Variants in PPP1R3B observed in about 807,000 individuals in gnomAD.
PPP1R3B encodes PP1 subunit R4.
Under a neutral mutation model 14.6 loss-of-function variants are expected in PPP1R3B, and 8 were observed. The observed-to-expected ratio is 0.55, with a 90% confidence interval of 0.32 to 0.99. The LOEUF (loss-of-function observed/expected upper bound fraction) is 0.99. Among genes scored for constraint, PPP1R3B ranks in the 50% least tolerant of loss-of-function variants. The probability of loss-of-function intolerance (pLI) is 0.04; values close to 1 mark genes in which losing one functional copy is unlikely to be tolerated. For synonymous variants in PPP1R3B, 169 were observed against 142.0 expected (o/e 1.19, Z -1.35); for missense variants, 452 against 360.1 (o/e 1.26, Z -2.07).
At position 9,138,153 on chromosome 8, in the gene PPP1R3B, C is replaced by A. The variant is rs1034259958; in HGVS notation, c.*2641G>T. On this transcript the variant is annotated 3_prime_UTR_variant, in exon 2 of 2. Coordinates refer to ENST00000310455, the MANE Select transcript of PPP1R3B (RefSeq NM_024607.4). ...TCTTAAGGCAAAGTAAAATTCAGGACCTGCATGAAATCAGTTTTGCTTCCA... is the reference window on the plus strand; with the variant it reads ...TCTTAAGGCAAAGTAAAATTCAGGAACTGCATGAAATCAGTTTTGCTTCCA... 2.6e-5 allele frequency: 4 copies of A among 152,124 alleles called. No homozygotes were observed. The highest frequency in any genetic ancestry group is 9.7e-5 in the African/African-American group (4 of 41,412). 9.4% of individuals were successfully genotyped at this position (152,124 alleles called of 1,614,324 possible).
At position 9,140,755 on chromosome 8, in the gene PPP1R3B, G is replaced by GTT; in HGVS notation, c.*38_*39insAA. The GTT allele has an allele frequency of 6.2e-7, 1 of 1,603,052 alleles. No homozygotes were observed. On this transcript the variant is annotated 3_prime_UTR_variant, in exon 2 of 2. Transcript: ENST00000310455. ...CTGCACAGTGAGCAGAGCTAGGCTTGTCTGTGGCAGCTCCGCCACGCCCTG... is the reference window on the plus strand; with the variant it reads ...CTGCACAGTGAGCAGAGCTAGGCTTGTTTCTGTGGCAGCTCCGCCACGCCCTG...
chr8:9,140,834 G>A lies in PPP1R3B; in HGVS notation c.818C>T (p.Pro273Leu). The change falls in exon 2 of 2, where the codon CCA (proline) becomes CTA (leucine). Residue 273 changes from proline (P) to leucine (L), a missense_variant. Transcript: ENST00000310455. ...RCSYGLFPEW[P>L]SYLGYEKLGP... ...TAGCTTTTCATATCCTAAGTAACTT[G>A]GCCACTCTGGAAACAGACCATAGGA... The A allele has an allele frequency of 6.2e-7, 1 of 1,614,066 alleles. No homozygotes were observed. Among genetic ancestry groups the A allele is most frequent in the Non-Finnish European group, 8.5e-7 (1 of 1,180,026 alleles).
rs1801029092 is a variant in PPP1R3B at position 9,140,290 on chromosome 8, C to T, written c.*504G>A. 1.2e-5 allele frequency: 2 copies of T among 165,766 alleles called. No homozygotes were observed. The highest frequency in any genetic ancestry group is 3.2e-4 in the South Asian group (2 of 6,290). 10.3% of individuals were successfully genotyped at this position (165,766 alleles called of 1,614,324 possible). On this transcript the variant is annotated 3_prime_UTR_variant, in exon 2 of 2. Coordinates refer to ENST00000310455, the MANE Select transcript of PPP1R3B (RefSeq NM_024607.4). ...GCTGCACTGGAAATGTGCGTCAGCT[C>T]AGTGTGTCACAGCAGAGATACACGT...
rs558281670 is a variant in PPP1R3B, at chr8:9,147,728, G to GT, written c.-18+2834dup. On this transcript the variant is annotated intron_variant, in intron 1 of 1. Coordinates refer to ENST00000310455, the MANE Select transcript of PPP1R3B (RefSeq NM_024607.4). ...TGAGATCCCTTTTTATCACCAAGCT[G>GT]TAAGAACAAGCAGAAGTCCGGCTTG... is the stretch of plus-strand genomic sequence containing the variant. Among the ~76,000 whole-genome samples, 747 of 151,840 alleles carry GT rather than the reference G, an allele frequency of 4.9e-3. 5 individuals carry two copies. The highest frequency in any genetic ancestry group is 0.017 in the African/African-American group (715 of 41,400).
At position 9,139,888 on chromosome 8, in the gene PPP1R3B, C is replaced by G. The variant is rs981876795; in HGVS notation, c.*906G>C. On this transcript the variant is annotated 3_prime_UTR_variant, in exon 2 of 2. Coordinates refer to ENST00000310455, the MANE Select transcript of PPP1R3B (RefSeq NM_024607.4). ...TAAAGAATGAGACAAACCAGCCAAG[C>G]ACGTTAAAGTCATTGAGCTTTCGGG... 6.6e-6 allele frequency: 1 copy of G among 152,178 alleles called. No homozygotes were observed. The highest frequency in any genetic ancestry group is 2.4e-5 in the African/African-American group (1 of 41,424). 9.4% of individuals were successfully genotyped at this position (152,178 alleles called of 1,614,324 possible). A position where few individuals can be genotyped will look rare whatever the true frequency, so the allele number is the denominator to read the frequency against.
At position 9,141,475 on chromosome 8, in the gene PPP1R3B, C is replaced by A; in HGVS notation, c.177G>T (p.Val59=). Residue 59 remains valine, a synonymous_variant, in exon 2 of 2, where the codon GTG becomes GTT. Coordinates refer to ENST00000310455, the MANE Select transcript of PPP1R3B (RefSeq NM_024607.4). ...MVAPAVQEKK[V]KKRVSFADNQ... Reference sequence around the variant, plus strand: ...TGTCTGCGAAGGACACCCGCTTTTTCACCTTCTTCTCCTGGACAGCCGGGG... The same window carrying A: ...TGTCTGCGAAGGACACCCGCTTTTTAACCTTCTTCTCCTGGACAGCCGGGG... 1 of 1,614,198 alleles carries A rather than the reference C, an allele frequency of 6.2e-7. No individual in the cohort carries two copies. Among genetic ancestry groups the A allele is most frequent in the Non-Finnish European group, 8.5e-7 (1 of 1,180,028 alleles).
upstream of PPP1R3B, among the ~76,000 whole-genome samples, chr8:9,151,111 G>T (rs1271332271): frequency 1.3e-5 from 2 of 152,204 alleles, no homozygotes; most frequent in African/African-American, 2.4e-5. Context: ...CCAGCAGCGC[G>T]GTGGAGCACG....
At chr8:9,149,316 C>T (rs539679082) in intron 1 of PPP1R3B, among the ~76,000 whole-genome samples, 3 of 150,432 alleles carry the variant, frequency 2.0e-5, no homozygotes, top group African/African-American at 7.3e-5. Context: ...CTGGCTAACA[C>T]GGTGAAACCC....
In PPP1R3B at chr8:9,141,189, C is replaced by T. The variant is rs781284275; in HGVS notation, c.463G>A (p.Ala155Thr). The T allele has an allele frequency of 2.1e-5, 34 of 1,614,074 alleles. No homozygotes were observed. The highest frequency in any genetic ancestry group is 1.6e-4 in the Middle Eastern group (1 of 6,084). Residue 155 changes from alanine to threonine, a missense_variant, in exon 2 of 2, where the codon GCA becomes ACA. Ala to Thr is a moderately conservative substitution (Grantham distance 58). Transcript: ENST00000310455. The stretch of plus-strand genomic sequence containing the variant: ...CTTATTTTCACGGTCTTCTCAAATG[C>T]GAGGTTCTGAACCTTCACAGTGCCT... ...IAGTVKVQNL[A>T]FEKTVKIRMT...
At chr8:9,144,146 T>G (rs1467812598) in intron 1 of PPP1R3B, among the ~76,000 whole-genome samples, 1 of 151,926 alleles carries the variant, frequency 6.6e-6, no homozygotes. Context: ...TTTTATTTAT[T>G]GAATTAGGAA....
rs750638299 is a variant in PPP1R3B, at chr8:9,141,397, C to A, written c.255G>T (p.Pro85=). ...MVKVFSEFDD[P]LDMPFNITEL... ...CGGTGATGTTGAATGGCATATCTAGCGGGTCATCGAATTCCGAGAACACTT... is the reference window on the plus strand; with the variant it reads ...CGGTGATGTTGAATGGCATATCTAGAGGGTCATCGAATTCCGAGAACACTT... Residue 85 remains proline (P), a synonymous_variant, in exon 2 of 2, where the codon CCG becomes CCT. Coordinates refer to ENST00000310455, the MANE Select transcript of PPP1R3B (RefSeq NM_024607.4). The A allele has an allele frequency of 6.2e-7, 1 of 1,614,216 alleles. No homozygotes were observed. Among genetic ancestry groups the A allele is most frequent in the African/African-American group, 1.3e-5 (1 of 75,054 alleles).
chr8:9,148,714 C>G (rs569958295), intron 1 of PPP1R3B, among the ~76,000 whole-genome samples: 1 of 151,516 alleles, frequency 6.6e-6, no homozygotes, highest in South Asian at 2.1e-4. Flanking sequence ...CAAGGTTAGA[C>G]GGCCATGGTG....
chr8:9,140,902 C>T lies in PPP1R3B; in HGVS notation c.750G>A (p.Pro250=), dbSNP rs145403213. Residue 250 remains proline, a synonymous_variant, in exon 2 of 2, where the codon CCG becomes CCA. Coordinates refer to ENST00000310455, the MANE Select transcript of PPP1R3B (RefSeq NM_024607.4). The part of the protein sequence containing the change: ...TQGMTKPHSG[P]DLGISFDQFG... Reference sequence around the variant, plus strand: ...ACTGGTCAAAGGATATTCCCAAATCCGGTCCACTGTGGGGCTTGGTCATTC... The same window carrying T: ...ACTGGTCAAAGGATATTCCCAAATCTGGTCCACTGTGGGGCTTGGTCATTC... 100 of 1,614,222 alleles carry T rather than the reference C, an allele frequency of 6.2e-5. No homozygotes were observed. In the African/African-American group the frequency reaches 7.2e-4, roughly 12 times the overall value.
In PPP1R3B at chr8:9,149,521, CCAAA is replaced by C. The variant is rs762563254; in HGVS notation, c.-18+1038_-18+1041del. Among the ~76,000 whole-genome samples, 10 of 152,204 alleles carry C rather than the reference CCAAA, an allele frequency of 6.6e-5. 1 individual carries two copies. The highest frequency in any genetic ancestry group is 4.2e-4 in the South Asian group (2 of 4,818). On this transcript the variant is annotated intron_variant, in intron 1 of 1. Coordinates refer to ENST00000310455, the MANE Select transcript of PPP1R3B (RefSeq NM_024607.4). Reference sequence around the variant, plus strand: ...TCCGTCTCAAAACAAACAAACAAAACCAAACAAACAAAAAAATCAGATGCACAAG... The same window carrying C: ...TCCGTCTCAAAACAAACAAACAAAACCAAACAAAAAAATCAGATGCACAAG...
intron 1 of PPP1R3B, among the ~76,000 whole-genome samples, chr8:9,143,246 T>A (rs959631861): frequency 2.7e-4 from 41 of 152,220 alleles, no homozygotes; most frequent in African/African-American, 9.2e-4. Flanking sequence ...ATATTTGCTA[T>A]AATCTGATAA....
rs994165891 is a variant in PPP1R3B, at chr8:9,139,324, A to G, written c.*1470T>C. The G allele has an allele frequency of 3.3e-5, 5 of 152,244 alleles. No homozygotes were observed. Among genetic ancestry groups the G allele is most frequent in the African/African-American group, 7.2e-5 (3 of 41,464 alleles). 9.4% of individuals were successfully genotyped at this position (152,244 alleles called of 1,614,324 possible). A position where few individuals can be genotyped will look rare whatever the true frequency, so the allele number is the denominator to read the frequency against. The stretch of plus-strand genomic sequence containing the variant: ...AGTTGGCAAACGTTTAAAATAACGT[A>G]TAAGAACTTGGGTGAGGTTTTTCTC... On this transcript the variant is annotated 3_prime_UTR_variant, in exon 2 of 2. Coordinates refer to ENST00000310455, the MANE Select transcript of PPP1R3B (RefSeq NM_024607.4).
intron 1 of PPP1R3B, among the ~76,000 whole-genome samples, chr8:9,141,968 T>C (rs187605369): frequency 3.8e-4 from 58 of 152,260 alleles, no homozygotes; most frequent in Non-Finnish European, 7.2e-4. Context: ...TGGTCAGCAT[T>C]TCTTGGGGCC....
chr8:9,149,926 C>A (rs1352333260), intron 1 of PPP1R3B, among the ~76,000 whole-genome samples: 1 of 152,230 alleles, frequency 6.6e-6, no homozygotes, highest in Non-Finnish European at 1.5e-5. Flanking sequence ...AATGCCCGCA[C>A]CTTGCTTTGC....
chr8:9,148,296 G>A (rs1029415317), intron 1 of PPP1R3B, among the ~76,000 whole-genome samples: 2 of 152,204 alleles, frequency 1.3e-5, no homozygotes, highest in Admixed American at 1.3e-4. Flanking sequence ...CCAGGCTGCA[G>A]CCCAGCCTCC....
Sources: allele counts gnomAD v4.1 joint callset (sites outside exome capture counted in the v4.1 genomes callset), GRCh38; gene constraint gnomAD v4.1.1; transcripts MANE v1.5; gene names NCBI Gene and HGNC (gene_info 2026-07-23, HGNC 2026-07-21).